Variants in DPP10 observed in about 807,000 individuals in gnomAD.
DPP10 encodes inactive dipeptidyl peptidase 10.
A neutral mutation model predicts 120.9 loss-of-function variants in DPP10; 33 were observed. That is an observed-to-expected ratio of 0.27 (90% CI 0.21 to 0.37). The LOEUF (loss-of-function observed/expected upper bound fraction) is 0.37, where lower values mean the gene tolerates loss of function less well. DPP10 is among the 10% of genes least tolerant of loss of function. The pLI is 1.00. For missense variants in DPP10, 816 were observed against 942.8 expected (o/e 0.87, Z 1.76); for synonymous variants, 337 against 326.1 (o/e 1.03, Z -0.36).
chr2:115,062,586 T>C (rs116451814), intron 1 of DPP10, among the ~76,000 whole-genome samples: 2,603 of 152,222 alleles, frequency 0.017, 60 homozygotes, highest in African/African-American at 0.05. Flanking sequence ...TTCTTCTCCC[T>C]GTGTCTACGT....
At chr2:115,301,170 T>C (rs2061112064) in intron 1 of DPP10, among the ~76,000 whole-genome samples, 1 of 151,994 alleles carries the variant, frequency 6.6e-6, no homozygotes, top group Non-Finnish European at 1.5e-5. Flanking sequence ...GTTTCACCCC[T>C]GCTTCTTCGT....
chr2:114,970,075 A>C (rs1054384013), intron 1 of DPP10, among the ~76,000 whole-genome samples: 17 of 152,098 alleles, frequency 1.1e-4, no homozygotes. Context: ...CTTGGCAAAG[A>C]TGATTTAGAC....
At chr2:115,281,940 T>G (rs2060174230) in intron 1 of DPP10, among the ~76,000 whole-genome samples, 1 of 152,150 alleles carries the variant, frequency 6.6e-6, no homozygotes, top group South Asian at 2.1e-4. Context: ...TAGTATTAAT[T>G]TTTACATATG....
intron 1 of DPP10, among the ~76,000 whole-genome samples, chr2:114,736,988 A>G (rs1232961833): frequency 6.6e-6 from 1 of 152,218 alleles, no homozygotes; most frequent in African/African-American, 2.4e-5. Context: ...ACATGTATAA[A>G]TGTACCTTCT....
At chr2:114,786,139 T>G (rs751557904) in intron 1 of DPP10, among the ~76,000 whole-genome samples, 5 of 152,208 alleles carry the variant, frequency 3.3e-5, no homozygotes, top group African/African-American at 1.2e-4. Context: ...TAGATTCTCA[T>G]AGAGCAGAGT....
chr2:115,598,743 G>T (rs1215515477), intron 5 of DPP10, among the ~76,000 whole-genome samples: 1 of 149,072 alleles, frequency 6.7e-6, no homozygotes, highest in African/African-American at 2.5e-5. Context: ...TTTTAATGCG[G>T]TTTGTTTATG....
chr2:115,472,039 C>A (rs2074760347), intron 3 of DPP10, among the ~76,000 whole-genome samples: 1 of 151,984 alleles, frequency 6.6e-6, no homozygotes, highest in African/African-American at 2.4e-5. Context: ...CTTTGTTAAA[C>A]CATAAAATTA....
At chr2:114,536,411 T>TTTC (rs1558857194) in intron 1 of DPP10, among the ~76,000 whole-genome samples, 1 of 147,422 alleles carries the variant, frequency 6.8e-6, no homozygotes. Flanking sequence ...TCTTTTTCTT[T>TTTC]TTTTTTTTTT....
intron 5 of DPP10, among the ~76,000 whole-genome samples, chr2:115,680,702 A>C (rs551752489): frequency 5.9e-5 from 9 of 152,152 alleles, no homozygotes; most frequent in African/African-American, 1.9e-4. Context: ...TAAAGGAACT[A>C]ACTTTTAGAG....
chr2:115,206,285 C>T (rs527795996), intron 1 of DPP10, among the ~76,000 whole-genome samples: 1 of 152,032 alleles, frequency 6.6e-6, no homozygotes, highest in Non-Finnish European at 1.5e-5. Flanking sequence ...CCATACGCCT[C>T]CAGAAACCAA....
intron 1 of DPP10, among the ~76,000 whole-genome samples, chr2:115,075,067 G>C (rs565913293): frequency 6.6e-6 from 1 of 152,272 alleles, no homozygotes; most frequent in East Asian, 1.9e-4. Context: ...GTGGGTCATG[G>C]TATAAATCAT....
chr2:115,824,126 A>G (rs992164345), intron 21 of DPP10, among the ~76,000 whole-genome samples: 5 of 152,190 alleles, frequency 3.3e-5, no homozygotes, highest in African/African-American at 1.2e-4. Context: ...ACTCTGAGAT[A>G]CATCATACTG....
intron 19 of DPP10, among the ~76,000 whole-genome samples, chr2:115,793,712 A>G (rs948469298): frequency 9.9e-5 from 15 of 152,062 alleles, no homozygotes; most frequent in African/African-American, 3.6e-4. Context: ...AAATGAGTAT[A>G]AAATCATTTC....
chr2:114,721,989 A>T (rs1361158597), intron 1 of DPP10, among the ~76,000 whole-genome samples: 2 of 152,214 alleles, frequency 1.3e-5, no homozygotes, highest in Admixed American at 1.3e-4. Context: ...AGAAAATAAA[A>T]TAAGACAGCT....
chr2:114,994,480 T>G (rs1044464734), intron 1 of DPP10, among the ~76,000 whole-genome samples: 5 of 152,168 alleles, frequency 3.3e-5, no homozygotes, highest in African/African-American at 1.2e-4. Context: ...CTTCCCTTTA[T>G]GCAAGCATCC....
At chr2:114,833,548 T>C (rs1207183577) in intron 1 of DPP10, 1 of 152,198 alleles carries the variant, frequency 6.6e-6, no homozygotes, top group Non-Finnish European at 1.5e-5. Context: ...GTGGAACGTA[T>C]AGTGCTAACA....
chr2:114,663,662 T>C, intron 1 of DPP10, among the ~76,000 whole-genome samples: 1 of 95,004 alleles, frequency 1.1e-5, no homozygotes, highest in Non-Finnish European at 1.8e-5. Context: ...TATATATATA[T>C]ATATATAGAG....
intron 3 of DPP10, among the ~76,000 whole-genome samples, chr2:115,496,179 A>T (rs1011716363): frequency 1.3e-5 from 2 of 152,112 alleles, no homozygotes; most frequent in African/African-American, 4.8e-5. Flanking sequence ...ACCAGATTAT[A>T]AAGAACAAAA....
At chr2:114,978,098 A>G (rs1426614357) in intron 1 of DPP10, among the ~76,000 whole-genome samples, 3 of 152,152 alleles carry the variant, frequency 2.0e-5, no homozygotes, top group Non-Finnish European at 4.4e-5. Flanking sequence ...TTCAGTAATT[A>G]AAAGTAGCAT....
Sources: gnomAD v4.1 joint callset for allele counts (sites outside exome capture counted in the v4.1 genomes callset) on GRCh38, gnomAD v4.1.1 for gene constraint, MANE v1.5 for transcripts, NCBI Gene and HGNC (gene_info 2026-07-23, HGNC 2026-07-21) for gene names.